Variants in NKAIN2 observed in about 807,000 individuals in gnomAD.
The protein encoded by NKAIN2 is sodium/potassium-transporting ATPase subunit beta-1-interacting protein 2.
In NKAIN2, 14 loss-of-function variants were observed where a neutral mutation model predicts 32.6. The ratio of observed to expected loss-of-function variants is 0.43; its 90% CI spans 0.28 to 0.67. NKAIN2 has a LOEUF of 0.67. NKAIN2 is among the 30% of genes least tolerant of loss of function. The pLI is 0.17. For missense variants in NKAIN2, 198 were observed against 258.3 expected, an observed-to-expected ratio of 0.77 and a Z score of 1.60; for synonymous variants, 80 against 87.2, an observed-to-expected ratio of 0.92 and a Z score of 0.46.
chr6:124,660,584 C>T (rs1163322974), intron 4 of NKAIN2, among the ~76,000 whole-genome samples: 1 of 152,172 alleles, frequency 6.6e-6, no homozygotes, highest in Non-Finnish European at 1.5e-5. Flanking sequence ...CTCCTGTCTG[C>T]ATTCCCCCCA....
At chr6:124,537,281 T>C (rs969064067) in intron 3 of NKAIN2, among the ~76,000 whole-genome samples, 1 of 152,224 alleles carries the variant, frequency 6.6e-6, no homozygotes, top group Non-Finnish European at 1.5e-5. Flanking sequence ...AGCAAGAAGC[T>C]GGAGAGTTAA....
chr6:124,692,402 G>C (rs942781814), intron 4 of NKAIN2, among the ~76,000 whole-genome samples: 1 of 152,070 alleles, frequency 6.6e-6, no homozygotes, highest in Non-Finnish European at 1.5e-5. Flanking sequence ...AATAAACAAA[G>C]CTCTGTGAGA....
intron 3 of NKAIN2, among the ~76,000 whole-genome samples, chr6:124,452,821 C>T (rs991051366): frequency 4.6e-5 from 7 of 152,060 alleles, no homozygotes; most frequent in African/African-American, 7.2e-5. Flanking sequence ...GAATTAATTG[C>T]GTATGTAAAT....
chr6:124,248,629 A>C (rs1462533455), intron 1 of NKAIN2, among the ~76,000 whole-genome samples: 1 of 152,126 alleles, frequency 6.6e-6, no homozygotes, highest in East Asian at 1.9e-4. Flanking sequence ...GTAGTTTATA[A>C]TTGTGTATGT....
intron 2 of NKAIN2, among the ~76,000 whole-genome samples, chr6:124,313,105 A>T (rs771500843): frequency 1.3e-5 from 2 of 152,170 alleles, no homozygotes; most frequent in Non-Finnish European, 2.9e-5. Flanking sequence ...GTCAGTATGT[A>T]TGAAAATTTT....
At chr6:124,491,913 C>T (rs1475944270) in intron 3 of NKAIN2, among the ~76,000 whole-genome samples, 1 of 151,800 alleles carries the variant, frequency 6.6e-6, no homozygotes, top group Non-Finnish European at 1.5e-5. Flanking sequence ...ATATGCCCAC[C>T]TTTGTGTGAG....
intron 1 of NKAIN2, among the ~76,000 whole-genome samples, chr6:124,282,667 C>T (rs1036600429): frequency 6.6e-6 from 1 of 152,224 alleles, no homozygotes; most frequent in African/African-American, 2.4e-5. Flanking sequence ...TTTATGTGGA[C>T]TTCCCTGACT....
intron 1 of NKAIN2, among the ~76,000 whole-genome samples, chr6:123,917,445 A>C (rs1582775642): frequency 6.6e-6 from 1 of 152,194 alleles, no homozygotes; most frequent in Non-Finnish European, 1.5e-5. Flanking sequence ...TTAGGCAAAA[A>C]TGCTCATTAA....
chr6:123,909,961 A>G (rs1436494155), intron 1 of NKAIN2, among the ~76,000 whole-genome samples: 1 of 152,152 alleles, frequency 6.6e-6, no homozygotes, highest in Non-Finnish European at 1.5e-5. Flanking sequence ...GCTGAAGTGA[A>G]ATTTATATTT....
chr6:123,807,691 A>G (rs1773277410), intron 1 of NKAIN2, among the ~76,000 whole-genome samples: 1 of 152,148 alleles, frequency 6.6e-6, no homozygotes, highest in African/African-American at 2.4e-5. Context: ...TTTAGACTGA[A>G]AGGACAGATT....
In NKAIN2 at chr6:124,406,013, GGT is replaced by G. The variant is rs59361002; in HGVS notation, c.273+50687_273+50688del. Among the ~76,000 whole-genome samples the G allele has an allele frequency of 7.5e-4, 111 of 148,204 alleles. 1 individual carries two copies. In the South Asian group the frequency reaches 0.012, roughly 15 times the overall value. ...TACCCAATTCATTCATTACCACCAC[GGT>G]GTGTGTGTGTGTGTGTGTGTAATTC... On this transcript the variant is annotated intron_variant, in intron 3 of 6. Coordinates refer to ENST00000368417, the MANE Select transcript of NKAIN2 (RefSeq NM_001040214.3).
rs1206558725 is a variant in NKAIN2 at position 124,771,903 on chromosome 6, T to C, written c.475-19436T>C. Among the ~76,000 whole-genome samples, 4 of 152,088 alleles carry C rather than the reference T, an allele frequency of 2.6e-5. No homozygotes were observed. The East Asian group carries it at 5.8e-4, about 22-fold the overall frequency. On this transcript the variant is annotated intron_variant, in intron 4 of 6. Coordinates refer to ENST00000368417, the MANE Select transcript of NKAIN2 (RefSeq NM_001040214.3). ...AACAGCAGGGGCAAGGGCTGATATA[T>C]GTTAGAGGAGTTGCTAGAGAGAATG...
intron 1 of NKAIN2, among the ~76,000 whole-genome samples, chr6:123,834,880 T>A (rs1774548090): frequency 6.6e-6 from 1 of 152,214 alleles, no homozygotes; most frequent in South Asian, 2.1e-4. Context: ...AGTTGGTATT[T>A]GCATGTTGAA....
At chr6:124,702,078 G>T (rs753283963) in intron 4 of NKAIN2, among the ~76,000 whole-genome samples, 2 of 151,994 alleles carry the variant, frequency 1.3e-5, no homozygotes, top group Non-Finnish European at 2.9e-5. Flanking sequence ...TTGAAGTTGG[G>T]TTACATTGAA....
At chr6:123,893,832 A>G (rs1179998846) in intron 1 of NKAIN2, among the ~76,000 whole-genome samples, 1 of 152,166 alleles carries the variant, frequency 6.6e-6, no homozygotes, top group Non-Finnish European at 1.5e-5. Context: ...TTCCAGGGGG[A>G]GGAGGCCTAT....
At chr6:124,168,272 A>G (rs1222780385) in intron 1 of NKAIN2, among the ~76,000 whole-genome samples, 2 of 152,166 alleles carry the variant, frequency 1.3e-5, no homozygotes, top group Non-Finnish European at 2.9e-5. Flanking sequence ...CCTGAAATGC[A>G]TCTGACCAGT....
chr6:124,398,252 C>CAAAAAAAAAAAAAAAAAAAAA (rs869039720), intron 3 of NKAIN2, among the ~76,000 whole-genome samples: 33 of 69,066 alleles, frequency 4.8e-4, no homozygotes, highest in African/African-American at 1.2e-3. Context: ...GACTGCATCT[C>CAAAAAAAAAAAAAAAAAAAAA]AAAAAAAAAA....
chr6:124,744,760 G>A (rs565289059), intron 4 of NKAIN2, among the ~76,000 whole-genome samples: 6 of 151,874 alleles, frequency 4.0e-5, no homozygotes, highest in East Asian at 1.9e-4. Flanking sequence ...TCATGATTAC[G>A]GAATACAGAG....
chr6:124,572,328 C>T (rs745474630), intron 3 of NKAIN2, among the ~76,000 whole-genome samples: 31 of 152,100 alleles, frequency 2.0e-4, no homozygotes, highest in Admixed American at 9.8e-4. Flanking sequence ...GTAGACATAC[C>T]CTGCTCCAGT....
Sources: gnomAD v4.1 joint callset for allele counts (sites outside exome capture counted in the v4.1 genomes callset) on GRCh38, gnomAD v4.1.1 for gene constraint, MANE v1.5 for transcripts, NCBI Gene and HGNC (gene_info 2026-07-23, HGNC 2026-07-21) for gene names.